Variants in STPG2 observed in about 807,000 individuals in gnomAD.
The protein encoded by STPG2 is sperm tail PG-rich repeat containing 2.
Under a neutral mutation model 54.2 loss-of-function variants are expected in STPG2, and 56 were observed. The ratio of observed to expected loss-of-function variants is 1.03; its 90% CI spans 0.83 to 1.29. The LOEUF (loss-of-function observed/expected upper bound fraction) is 1.29, where lower values mean the gene tolerates loss of function less well. STPG2 is among the 50% of genes most tolerant of loss of function. STPG2 has a pLI of 0.00. For missense variants in STPG2, 596 were observed against 544.9 expected, an observed-to-expected ratio of 1.09 and a Z score of -0.93; for synonymous variants, 200 against 181.8, an observed-to-expected ratio of 1.10 and a Z score of -0.81.
intron 4 of STPG2, among the ~76,000 whole-genome samples, chr4:97,499,945 T>A (rs1221667131): frequency 6.6e-6 from 1 of 151,942 alleles, no homozygotes; most frequent in Non-Finnish European, 1.5e-5. Flanking sequence ...AGGCCTCATA[T>A]CATTGTTGAG....
intron 4 of STPG2, among the ~76,000 whole-genome samples, chr4:97,501,276 T>G (rs958162802): frequency 2.6e-5 from 4 of 151,900 alleles, no homozygotes; most frequent in African/African-American, 4.8e-5. Context: ...ATAAAGTCAG[T>G]GCAGATACAA....
At chr4:97,781,221 A>G (rs906233135) in intron 9 of STPG2, among the ~76,000 whole-genome samples, 1 of 152,194 alleles carries the variant, frequency 6.6e-6, no homozygotes, top group Admixed American at 6.5e-5. Context: ...AGAATCAAAT[A>G]GATGCAATAA....
At chr4:98,001,618 A>G (rs2149276036) in intron 5 of STPG2, among the ~76,000 whole-genome samples, 1 of 152,252 alleles carries the variant, frequency 6.6e-6, no homozygotes, top group East Asian at 1.9e-4. Flanking sequence ...AAGATTAATT[A>G]TTATTACACT....
chr4:97,712,332 A>G (rs981470687), intron 10 of STPG2, among the ~76,000 whole-genome samples: 8 of 152,150 alleles, frequency 5.3e-5, no homozygotes, highest in Admixed American at 1.3e-4. Flanking sequence ...TTTGATCCAC[A>G]GGGCTTTCTT....
At chr4:97,637,662 A>G (rs2148941288) in intron 10 of STPG2, among the ~76,000 whole-genome samples, 1 of 152,362 alleles carries the variant, frequency 6.6e-6, no homozygotes, top group East Asian at 1.9e-4. Flanking sequence ...ATACAAAATC[A>G]ATGTGCAAAA....
At chr4:97,594,014 A>G (rs939095471) in intron 10 of STPG2, among the ~76,000 whole-genome samples, 1 of 152,218 alleles carries the variant, frequency 6.6e-6, no homozygotes, top group Non-Finnish European at 1.5e-5. Context: ...AAGGCCAGCA[A>G]CTTCAAAGAC....
intron 10 of STPG2, among the ~76,000 whole-genome samples, chr4:97,620,103 C>T (rs1386118371): frequency 6.6e-6 from 1 of 152,090 alleles, no homozygotes; most frequent in Non-Finnish European, 1.5e-5. Context: ...GGATTACAGG[C>T]GTGAGCCACT....
intron 8 of STPG2, among the ~76,000 whole-genome samples, chr4:97,892,548 T>C (rs900150015): frequency 6.6e-6 from 1 of 152,184 alleles, no homozygotes; most frequent in Non-Finnish European, 1.5e-5. Flanking sequence ...ATTCCTGTCT[T>C]GGAGGAGCTA....
intron 8 of STPG2, among the ~76,000 whole-genome samples, chr4:97,861,333 T>C (rs1047422645): frequency 6.6e-6 from 1 of 152,116 alleles, no homozygotes; most frequent in Non-Finnish European, 1.5e-5. Context: ...ATCCTAAAGA[T>C]AGCCAATAAC....
intron 9 of STPG2, among the ~76,000 whole-genome samples, chr4:97,807,278 T>C (rs1727597077): frequency 1.3e-5 from 2 of 151,960 alleles, no homozygotes; most frequent in Non-Finnish European, 2.9e-5. Context: ...TAAATTTGTT[T>C]ATGCATTTTT....
chr4:97,543,566 C>T (rs1242499621), intron 4 of STPG2, among the ~76,000 whole-genome samples: 1 of 151,852 alleles, frequency 6.6e-6, no homozygotes, highest in African/African-American at 2.4e-5. Flanking sequence ...TTCTATTTTG[C>T]CAGATATTTG....
intron 5 of STPG2, among the ~76,000 whole-genome samples, chr4:98,051,919 C>G (rs888337372): frequency 6.6e-6 from 1 of 151,860 alleles, no homozygotes; most frequent in Non-Finnish European, 1.5e-5. Context: ...GAAACGCTGT[C>G]GCTACTAAAA....
chr4:97,992,142 C>T (rs190692835), intron 5 of STPG2, among the ~76,000 whole-genome samples: 41 of 152,218 alleles, frequency 2.7e-4, no homozygotes, highest in African/African-American at 9.9e-4. Flanking sequence ...GTTGCGTTTG[C>T]TATTGGGTTC....
At chr4:98,099,873 C>A (rs1738975190) in intron 5 of STPG2, among the ~76,000 whole-genome samples, 1 of 152,066 alleles carries the variant, frequency 6.6e-6, no homozygotes. Context: ...CTGACCTGTA[C>A]ATTTTAAAAT....
intron 10 of STPG2, among the ~76,000 whole-genome samples, chr4:97,585,333 A>C (rs1560672993): frequency 6.6e-6 from 1 of 151,934 alleles, no homozygotes. Flanking sequence ...TATCAACATT[A>C]AGCAACCAGG....
intron 9 of STPG2, among the ~76,000 whole-genome samples, chr4:97,783,636 T>C (rs546549419): frequency 1.3e-5 from 2 of 152,356 alleles, no homozygotes; most frequent in South Asian, 4.1e-4. Context: ...ATATGTTTAC[T>C]GCGGCACTAT....
chr4:97,999,613 C>T (rs1334194351), intron 5 of STPG2, among the ~76,000 whole-genome samples: 3 of 151,984 alleles, frequency 2.0e-5, no homozygotes, highest in Non-Finnish European at 2.9e-5. Context: ...GCATGAGAAT[C>T]GCTTGAACCC....
chr4:98,027,987 CACA>C (rs1243064670), intron 5 of STPG2, among the ~76,000 whole-genome samples: 1 of 152,154 alleles, frequency 6.6e-6, no homozygotes, highest in Non-Finnish European at 1.5e-5. Context: ...ATTCACTCCA[CACA>C]ACAGCTCCTC....
intron 9 of STPG2, among the ~76,000 whole-genome samples, chr4:97,734,317 T>C (rs188168670): frequency 3.2e-4 from 48 of 152,324 alleles, no homozygotes; most frequent in African/African-American, 9.9e-4. Context: ...GTTTGTTACA[T>C]AGGTAAACTT....
Sources: gnomAD v4.1 joint callset for allele counts (sites outside exome capture counted in the v4.1 genomes callset) on GRCh38, gnomAD v4.1.1 for gene constraint, MANE v1.5 for transcripts, NCBI Gene and HGNC (gene_info 2026-07-23, HGNC 2026-07-21) for gene names.